Variants in SUCLG2 observed in about 807,000 individuals in gnomAD.
SUCLG2 encodes the protein succinate-CoA ligase GDP-forming subunit beta, also known as succinate--CoA ligase [GDP-forming] subunit beta, mitochondrial.
Under a neutral mutation model 47.9 loss-of-function variants are expected in SUCLG2, and 42 were observed. That is an observed-to-expected ratio of 0.88 (90% confidence interval 0.69 to 1.14). SUCLG2 has a LOEUF of 1.14. Among genes scored for constraint, SUCLG2 ranks in the 50% most tolerant of loss-of-function variants. The pLI, the probability that SUCLG2 is intolerant of heterozygous loss-of-function variation, is 0.00. For missense variants in SUCLG2, 571 were observed against 525.9 expected (o/e 1.09, Z -0.84); for synonymous variants, 195 against 197.3 (o/e 0.99, Z 0.10).
At chr3:67,454,820 G>A (rs895539582) in intron 9 of SUCLG2, among the ~76,000 whole-genome samples, 6 of 151,974 alleles carry the variant, frequency 3.9e-5, no homozygotes, top group South Asian at 2.1e-4. Flanking sequence ...AAATTAGCCG[G>A]GCATGGTAGT....
intron 2 of SUCLG2, among the ~76,000 whole-genome samples, chr3:67,573,731 G>T (rs373465263): frequency 6.6e-6 from 1 of 152,142 alleles, no homozygotes; most frequent in African/African-American, 2.4e-5. Flanking sequence ...GGCCTGGTGG[G>T]AAGCGCTCTA....
rs182581455 is a variant in SUCLG2, at chr3:67,526,115, C to G, written c.417+2017G>C. Reference sequence around the variant, plus strand: ...GTGATATGGCCTTTCTTGCTTCATCCTCACATGGCAGAAAGTGGAAATGCA... The same window carrying G: ...GTGATATGGCCTTTCTTGCTTCATCGTCACATGGCAGAAAGTGGAAATGCA... On this transcript the variant is annotated intron_variant, in intron 4 of 10. Coordinates refer to ENST00000307227, the MANE Select transcript of SUCLG2 (RefSeq NM_003848.4). Among the ~76,000 whole-genome samples the G allele has an allele frequency of 2.6e-3, 401 of 152,246 alleles. 5 individuals carry two copies. Among genetic ancestry groups the G allele is most frequent in the African/African-American group, 8.8e-3 (367 of 41,530 alleles).
At chr3:67,544,778 A>G (rs1706819337) in intron 2 of SUCLG2, among the ~76,000 whole-genome samples, 1 of 152,212 alleles carries the variant, frequency 6.6e-6, no homozygotes, top group African/African-American at 2.4e-5. Context: ...TGTTTAAACT[A>G]GAAATCACTA....
chr3:67,377,970 A>G (rs1190718513), intron 10 of SUCLG2, among the ~76,000 whole-genome samples: 2 of 152,154 alleles, frequency 1.3e-5, no homozygotes, highest in African/African-American at 4.8e-5. Context: ...CTTCTTGAAG[A>G]TGGCAATGAC....
intron 1 of SUCLG2, among the ~76,000 whole-genome samples, chr3:67,623,848 G>A (rs551686726): frequency 1.3e-5 from 2 of 152,168 alleles, no homozygotes; most frequent in East Asian, 3.9e-4. Flanking sequence ...GATAATGTAC[G>A]TGAAGGTGCT....
intron 10 of SUCLG2, among the ~76,000 whole-genome samples, chr3:67,396,667 T>C (rs1702537776): frequency 6.6e-6 from 1 of 152,146 alleles, no homozygotes; most frequent in Non-Finnish European, 1.5e-5. Flanking sequence ...CCCTAACTCA[T>C]TTTATGAGGC....
intron 10 of SUCLG2, among the ~76,000 whole-genome samples, chr3:67,364,183 AC>A (rs1277261180): frequency 3.3e-5 from 5 of 152,096 alleles, no homozygotes; most frequent in Admixed American, 6.5e-5. Context: ...TCTGACTTTC[AC>A]CCTCACTAGA....
chr3:67,599,418 A>G (rs1708365901), intron 2 of SUCLG2, among the ~76,000 whole-genome samples: 1 of 152,242 alleles, frequency 6.6e-6, no homozygotes, highest in Admixed American at 6.5e-5. Flanking sequence ...CAGTGAGTTA[A>G]AACTGAATCC....
chr3:67,462,000 T>C (rs574775135), intron 9 of SUCLG2, among the ~76,000 whole-genome samples: 1 of 152,234 alleles, frequency 6.6e-6, no homozygotes, highest in South Asian at 2.1e-4. Context: ...ACTCAGAAAT[T>C]CAGAATTTAG....
intron 7 of SUCLG2, among the ~76,000 whole-genome samples, chr3:67,505,692 T>G (rs1032733941): frequency 6.6e-6 from 1 of 152,174 alleles, no homozygotes; most frequent in East Asian, 1.9e-4. Context: ...CCAGGCACAA[T>G]GGATCACACC....
intron 9 of SUCLG2, among the ~76,000 whole-genome samples, chr3:67,450,693 T>A (rs1704036346): frequency 6.6e-6 from 1 of 152,202 alleles, no homozygotes; most frequent in South Asian, 2.1e-4. Context: ...TTTAACTACC[T>A]AGAGGGAGTT....
At chr3:67,440,237 G>T (rs1703727091) in intron 9 of SUCLG2, among the ~76,000 whole-genome samples, 1 of 152,144 alleles carries the variant, frequency 6.6e-6, no homozygotes, top group Admixed American at 6.5e-5. Context: ...AACTCAAGAT[G>T]AATTAAAGTC....
chr3:67,640,606 G>A lies in SUCLG2; in HGVS notation c.84+13897C>T, dbSNP rs73092616. 9.3e-3 allele frequency among the ~76,000 whole-genome samples: 1,416 copies of A among 152,126 alleles called. 7 individuals are homozygous for A. Among genetic ancestry groups the A allele is most frequent in the Non-Finnish European group, 0.016 (1,111 of 68,010 alleles). On this transcript the variant is annotated intron_variant, in intron 1 of 10. Transcript: ENST00000307227. ...GTTTTCCCCATTCTCCCCAAAACTC[G>A]TTGAGCATTCCATGGAATATTATTG...
intron 10 of SUCLG2, among the ~76,000 whole-genome samples, chr3:67,384,761 T>C (rs953903991): frequency 3.3e-5 from 5 of 152,330 alleles, no homozygotes; most frequent in East Asian, 1.9e-4. Flanking sequence ...CCTCCACCCC[T>C]TCCCACATGT....
intron 10 of SUCLG2, among the ~76,000 whole-genome samples, chr3:67,392,043 G>A (rs1702398372): frequency 6.6e-6 from 1 of 152,104 alleles, no homozygotes; most frequent in Non-Finnish European, 1.5e-5. Flanking sequence ...CTGTCCTTCT[G>A]TATGTTTGAG....
At chr3:67,546,856 G>A (rs1706878337) in intron 2 of SUCLG2, among the ~76,000 whole-genome samples, 1 of 152,148 alleles carries the variant, frequency 6.6e-6, no homozygotes, top group Non-Finnish European at 1.5e-5. Flanking sequence ...AGCTGAGATT[G>A]TACCACTGCA....
chr3:67,395,811 A>G lies in SUCLG2; in HGVS notation c.1183+4920T>C, dbSNP rs567803576. Among the ~76,000 whole-genome samples the G allele has an allele frequency of 5.3e-3, 812 of 152,340 alleles. 3 individuals carry two copies. The highest frequency in any genetic ancestry group is 0.014 in the Middle Eastern group (4 of 294). On this transcript the variant is annotated intron_variant, in intron 10 of 10. Transcript: ENST00000307227. ...GCTAAAGTAAAAGAACAGAAATTAT[A>G]ACAAACTGTCTCTCAGACCACAGTG...
At chr3:67,386,998 TCCACTCTCTG>T (rs376075442) in intron 10 of SUCLG2, among the ~76,000 whole-genome samples, 425 of 152,306 alleles carry the variant, frequency 2.8e-3, no homozygotes, top group African/African-American at 9.6e-3. Flanking sequence ...TCTTTCTTCT[TCCACTCTCTG>T]CCACTCTCCT....
chr3:67,467,925 A>G (rs2106975289), intron 9 of SUCLG2, among the ~76,000 whole-genome samples: 1 of 152,188 alleles, frequency 6.6e-6, no homozygotes, highest in East Asian at 1.9e-4. Context: ...CACCAAACTA[A>G]GCACCCTGAA....
Sources: gnomAD v4.1 joint callset for allele counts (sites outside exome capture counted in the v4.1 genomes callset) on GRCh38, gnomAD v4.1.1 for gene constraint, MANE v1.5 for transcripts, NCBI Gene and HGNC (gene_info 2026-07-23, HGNC 2026-07-21) for gene names.